The following ESYT2 variants were observed in gnomAD, a reference collection of about 807,000 sequenced individuals.
ESYT2 encodes extended synaptotagmin-2.
ESYT2 carries 54 observed loss-of-function variants against 107.2 expected under a neutral mutation model. The observed-to-expected ratio is 0.50, with a 90% CI of 0.40 to 0.63. The LOEUF is 0.63. Ranked by LOEUF, ESYT2 falls within the 30% of genes least tolerant of loss-of-function variation. The pLI is 0.00. For synonymous variants in ESYT2, 491 were observed against 434.1 expected, an observed-to-expected ratio of 1.13 and a Z score of -1.63; for missense variants, 1,020 against 1,094.5, an observed-to-expected ratio of 0.93 and a Z score of 0.96.
In ESYT2 at chr7:158,829,236, G is replaced by A. The variant is rs765496119; in HGVS notation, c.183C>T (p.Ser61=). Residue 61 remains serine (S), a synonymous_variant, in exon 1 of 23, where the codon AGC becomes AGT. Coordinates refer to ENST00000275418, the MANE Select transcript of ESYT2 (RefSeq NM_001367773.1). ...YALGYLGLSF[S]WVLLALALLA... is the part of the protein sequence containing the mutation. Reference sequence around the variant, plus strand: ...GCAGCGCGAGCGCGAGGAGAACCCAGCTGAAGCTGAGCCCCAGGTAGCCCA... The same window carrying A: ...GCAGCGCGAGCGCGAGGAGAACCCAACTGAAGCTGAGCCCCAGGTAGCCCA... 12 of 1,528,700 alleles carry A rather than the reference G, an allele frequency of 7.8e-6. No homozygotes were observed. The South Asian group carries it at 9.6e-5, about 12-fold the overall frequency. The allele number at this position is 1,528,700 out of a possible 1,614,324, so 94.7% of individuals were successfully genotyped here.
chr7:158,760,109 G>A lies in ESYT2; in HGVS notation c.1272C>T (p.His424=). ...TTAACGTGAGCCACTCCAGTCTCAA[G>A]TGTAGCTTCCCCTTGGGAACCTCGT... ...TLDEVPKGKL[H]LRLEWLTLMP... Residue 424 remains histidine, a synonymous_variant, in exon 12 of 23, where the codon CAC becomes CAT. Coordinates refer to ENST00000275418, the MANE Select transcript of ESYT2 (RefSeq NM_001367773.1). 6.2e-7 allele frequency: 1 copy of A among 1,614,240 alleles called. No individual in the cohort carries two copies.
chr7:158,805,040 G>A (rs1033513765), intron 1 of ESYT2, among the ~76,000 whole-genome samples: 6 of 152,228 alleles, frequency 3.9e-5, no homozygotes, highest in African/African-American at 1.2e-4. Flanking sequence ...GCGCTTCAAT[G>A]TTTAGAACTG....
chr7:158,756,918 A>ATT (rs1837776684), intron 13 of ESYT2, among the ~76,000 whole-genome samples: 1 of 149,662 alleles, frequency 6.7e-6, no homozygotes, highest in African/African-American at 2.4e-5. Flanking sequence ...TCAAATTAAA[A>ATT]AAAAAAAAAA....
chr7:158,735,153 T>C (rs3816459), intron 21 of ESYT2, among the ~76,000 whole-genome samples: 35,157 of 151,904 alleles, frequency 0.23, 5,743 homozygotes, highest in East Asian at 0.59. Flanking sequence ...TAACATACAC[T>C]CACATGCCAA....
At position 158,813,892 on chromosome 7, in the gene ESYT2, G is replaced by A. The variant is rs1209609963; in HGVS notation, c.331-14820C>T. 5.3e-5 allele frequency among the ~76,000 whole-genome samples: 8 copies of A among 152,044 alleles called. No individual in the cohort carries two copies. In the East Asian group the frequency reaches 1.6e-3, roughly 30 times the overall value. ...AACGTTTTAAAAATATACGTTCCTCGTCCCGATGACTCTCACAGATCAAAA... is the reference window on the plus strand; with the variant it reads ...AACGTTTTAAAAATATACGTTCCTCATCCCGATGACTCTCACAGATCAAAA... On this transcript the variant is annotated intron_variant, in intron 1 of 22. Coordinates refer to ENST00000275418, the MANE Select transcript of ESYT2 (RefSeq NM_001367773.1).
chr7:158,782,393 C>CAAGTGAGTGAACGAGTGT (rs1284049678), intron 6 of ESYT2, among the ~76,000 whole-genome samples: 2 of 86,638 alleles, frequency 2.3e-5, no homozygotes, highest in African/African-American at 4.6e-5. Context: ...GAGGTAAGAA[C>CAAGTGAGTGAACGAGTGT]GAGAACAAGT....
Position 158,829,208 on chromosome 7 carries a change from C to A in ESYT2, c.211G>T (p.Ala71Ser), listed in dbSNP as rs761255094. ...AGGCCGCGGCTGCGGCGACACCAGG[C>A]GAGCAGCGCGAGCGCGAGGAGAACC... ...SWVLLALALL[A>S]WCRRSRGLKA... The change falls in exon 1 of 23, where the codon GCC becomes TCC. Residue 71 changes from alanine (A) to serine (S), a missense_variant. Coordinates refer to ENST00000275418, the MANE Select transcript of ESYT2 (RefSeq NM_001367773.1). 9 of 1,529,898 alleles carry A rather than the reference C, an allele frequency of 5.9e-6. No homozygotes were observed. In the Admixed American group the frequency reaches 9.9e-5, roughly 17 times the overall value. The allele number at this position is 1,529,898 out of a possible 1,614,324, so 94.8% of individuals were successfully genotyped here.
intron 15 of ESYT2, among the ~76,000 whole-genome samples, chr7:158,749,182 C>G (rs1198677865): frequency 1.3e-5 from 2 of 152,166 alleles, no homozygotes; most frequent in Admixed American, 1.3e-4. Context: ...TCTCGGCTCA[C>G]TGCAACCTCT....
In ESYT2 at chr7:158,764,663, A is replaced by G; in HGVS notation, c.1101+14T>C. On this transcript the variant is annotated intron_variant, in intron 9 of 22. Coordinates refer to ENST00000275418, the MANE Select transcript of ESYT2 (RefSeq NM_001367773.1). ...GCCCACCACCCCAGCAACACAGCAG[A>G]CACGACACCCCACCTCATAGACTTC... 6.2e-7 allele frequency: 1 copy of G among 1,612,408 alleles called. No homozygotes were observed. Among genetic ancestry groups the G allele is most frequent in the East Asian group, 2.2e-5 (1 of 44,866 alleles).
In ESYT2 at chr7:158,739,076, G is replaced by C. The variant is rs774711525; in HGVS notation, c.2214C>G (p.Thr738=). The C allele has an allele frequency of 2.5e-6, 4 of 1,613,978 alleles. No homozygotes were observed. The African/African-American group carries it at 4.0e-5, about 16-fold the overall frequency. The change falls in exon 19 of 23, where the codon ACC becomes ACG. Residue 738 remains threonine (T), a synonymous_variant. Transcript: ENST00000275418. ...GQSPLGQIQL[T]IRHSSQRNKL... ...TGTTTCTCTGCGAGCTGTGCCGGAT[G>C]GTCAGCTGGATCTGCCCCAGTGGAG...
intron 20 of ESYT2, among the ~76,000 whole-genome samples, chr7:158,736,836 G>A (rs995564780): frequency 2.6e-5 from 4 of 152,150 alleles, no homozygotes; most frequent in African/African-American, 9.7e-5. Flanking sequence ...ATGTCCACAG[G>A]GTTGTAACTT....
intron 4 of ESYT2, among the ~76,000 whole-genome samples, chr7:158,793,031 T>C (rs1194037848): frequency 6.6e-6 from 1 of 151,972 alleles, no homozygotes; most frequent in Non-Finnish European, 1.5e-5. Context: ...GCCTTCCAAA[T>C]TGCTGGGATT....
intron 6 of ESYT2, among the ~76,000 whole-genome samples, chr7:158,785,465 A>G (rs1036150071): frequency 4.1e-5 from 6 of 146,284 alleles, no homozygotes; most frequent in Non-Finnish European, 8.9e-5. Flanking sequence ...AAATAAATAA[A>G]TAAATAAATC....
intron 1 of ESYT2, among the ~76,000 whole-genome samples, chr7:158,825,459 A>G (rs1472271590): frequency 2.0e-5 from 3 of 152,252 alleles, no homozygotes; most frequent in Non-Finnish European, 4.4e-5. Flanking sequence ...CAGTTGGAAC[A>G]TAACTGTTCA....
chr7:158,760,746 T>C (rs570890053), intron 11 of ESYT2, among the ~76,000 whole-genome samples: 82 of 152,336 alleles, frequency 5.4e-4, no homozygotes, highest in Middle Eastern at 6.8e-3. Flanking sequence ...TAAAATAGTA[T>C]ACAGTTGTAT....
At chr7:158,738,327 ATACACACACACAC>A (rs1308412698) in intron 19 of ESYT2, among the ~76,000 whole-genome samples, 23 of 105,500 alleles carry the variant, frequency 2.2e-4, no homozygotes, top group African/African-American at 7.3e-4. Context: ...AAAAAAAAAA[ATACACACACACAC>A]ACAGACACAC....
intron 1 of ESYT2, among the ~76,000 whole-genome samples, chr7:158,804,341 G>A (rs1476573549): frequency 4.4e-5 from 6 of 135,744 alleles, no homozygotes; most frequent in African/African-American, 1.5e-4. Flanking sequence ...CCGCCGAGAA[G>A]GGTGAGGCGC....
intron 1 of ESYT2, among the ~76,000 whole-genome samples, chr7:158,819,834 C>T (rs1352211282): frequency 6.6e-6 from 1 of 151,842 alleles, no homozygotes; most frequent in Non-Finnish European, 1.5e-5. Context: ...TGTAACTGAA[C>T]AAATTAAAAA....
rs1840567826 is a variant in ESYT2 at position 158,829,457 on chromosome 7, G to A, written c.-39C>T. 1.7e-6 allele frequency: 2 copies of A among 1,200,524 alleles called. No homozygotes were observed. Among genetic ancestry groups the A allele is most frequent in the Non-Finnish European group, 1.0e-6 (1 of 969,492 alleles). 74.4% of individuals were successfully genotyped at this position (1,200,524 alleles called of 1,614,324 possible). A position where few individuals can be genotyped will look rare whatever the true frequency, so the allele number is the denominator to read the frequency against. ...CGCGCTGCCCTCCCGGCCGAGGCGGGCTGGGTGCTCGCGCTGATCCCGGGC... is the reference window on the plus strand; with the variant it reads ...CGCGCTGCCCTCCCGGCCGAGGCGGACTGGGTGCTCGCGCTGATCCCGGGC... On this transcript the variant is annotated 5_prime_UTR_variant, in exon 1 of 23. Transcript: ENST00000275418.
Sources: gnomAD v4.1 joint callset for allele counts (sites outside exome capture counted in the v4.1 genomes callset) on GRCh38, gnomAD v4.1.1 for gene constraint, MANE v1.5 for transcripts, NCBI Gene and HGNC (gene_info 2026-07-23, HGNC 2026-07-21) for gene names.